The following BMPR1B variants were observed in gnomAD, a reference collection of about 807,000 sequenced individuals.
The protein encoded by BMPR1B is bone morphogenetic protein receptor type-1B.
In BMPR1B, 12 loss-of-function variants were observed where a neutral mutation model predicts 59.1. The observed-to-expected ratio is 0.20, with a 90% confidence interval of 0.13 to 0.33. BMPR1B has a LOEUF of 0.33. Ranked by LOEUF, BMPR1B falls within the 10% of genes least tolerant of loss-of-function variation. The pLI, the probability that BMPR1B is intolerant of heterozygous loss-of-function variation, is 1.00. For synonymous variants in BMPR1B, 237 were observed against 207.3 expected, an observed-to-expected ratio of 1.14 and a Z score of -1.23; for missense variants, 550 against 610.9, an observed-to-expected ratio of 0.90 and a Z score of 1.05.
chr4:94,839,813 C>T (rs1724979201), intron 1 of BMPR1B, among the ~76,000 whole-genome samples: 2 of 147,282 alleles, frequency 1.4e-5, no homozygotes, highest in African/African-American at 2.5e-5. Context: ...ATGATGTTAG[C>T]TGGTTATTTT....
At chr4:94,985,527 G>GTGTT (rs775347833) in intron 2 of BMPR1B, among the ~76,000 whole-genome samples, 1 of 139,052 alleles carries the variant, frequency 7.2e-6, no homozygotes, top group Non-Finnish European at 1.6e-5. Flanking sequence ...GTGTGTGTGT[G>GTGTT]TGTGTGTGTG....
rs971634779 is a variant in BMPR1B, at chr4:95,042,977, C to T, written c.-18+46843C>T. Among the ~76,000 whole-genome samples the T allele has an allele frequency of 8.6e-5, 13 of 151,172 alleles. 1 individual carries two copies. The highest frequency in any genetic ancestry group is 1.9e-4 in the Non-Finnish European group (13 of 67,842). ...GATCATGAGGTCAGGAGATCGAGAC[C>T]ATCCTGGCTAACAAGGTGAAACCCC... On this transcript the variant is annotated intron_variant, in intron 3 of 12. Transcript: ENST00000515059.
At position 94,806,194 on chromosome 4, in the gene BMPR1B, T is replaced by C. The variant is rs185697828; in HGVS notation, c.-183+48126T>C. On this transcript the variant is annotated intron_variant, in intron 1 of 12. Transcript: ENST00000515059. ...ACTCACGGTGTCAAGTTGATTGTAATGGGGTATATGAAAAACTCAGCTCAG... is the reference window on the plus strand; with the variant it reads ...ACTCACGGTGTCAAGTTGATTGTAACGGGGTATATGAAAAACTCAGCTCAG... Among the ~76,000 whole-genome samples the C allele has an allele frequency of 3.9e-3, 587 of 152,274 alleles. 4 individuals carry two copies. The highest frequency in any genetic ancestry group is 0.013 in the African/African-American group (560 of 41,550).
rs547892684 is a variant in BMPR1B at position 95,112,230 on chromosome 4, T to A, written c.144-2490T>A. Among the ~76,000 whole-genome samples the A allele has an allele frequency of 8.5e-5, 13 of 152,218 alleles. No homozygotes were observed. The South Asian group carries it at 2.7e-3, about 31-fold the overall frequency. ...ATTTCCACTTTTATTTCCTTCATGA[T>A]TCTTCATCTCATCTTTTTATCACTT... is the stretch of plus-strand genomic sequence containing the variant. On this transcript the variant is annotated intron_variant, in intron 4 of 12. Coordinates refer to ENST00000515059, the MANE Select transcript of BMPR1B (RefSeq NM_001203.3).
At chr4:95,137,227 G>GT (rs1172053127) in intron 10 of BMPR1B, among the ~76,000 whole-genome samples, 2 of 152,200 alleles carry the variant, frequency 1.3e-5, no homozygotes, top group South Asian at 4.1e-4. Context: ...TTTTGAGTAA[G>GT]TTTCTTAATC....
At chr4:94,759,978 G>GA (rs1182824524) in intron 1 of BMPR1B, among the ~76,000 whole-genome samples, 3 of 152,160 alleles carry the variant, frequency 2.0e-5, no homozygotes, top group African/African-American at 7.2e-5. Context: ...TACAAAACTT[G>GA]ATACAGTGTG....
chr4:95,009,123 G>C (rs1158066343), intron 3 of BMPR1B, among the ~76,000 whole-genome samples: 1 of 152,140 alleles, frequency 6.6e-6, no homozygotes, highest in East Asian at 1.9e-4. Flanking sequence ...AAATATAAAA[G>C]TCTGAAAATA....
At chr4:95,010,859 A>G (rs1394166351) in intron 3 of BMPR1B, among the ~76,000 whole-genome samples, 1 of 151,928 alleles carries the variant, frequency 6.6e-6, no homozygotes, top group Non-Finnish European at 1.5e-5. Context: ...TGTTAGGGTC[A>G]CTCTCATGAG....
intron 2 of BMPR1B, among the ~76,000 whole-genome samples, chr4:94,888,882 C>T (rs1727284633): frequency 6.6e-6 from 1 of 151,668 alleles, no homozygotes; most frequent in Non-Finnish European, 1.5e-5. Flanking sequence ...GATATATCTC[C>T]AAGGAAATCA....
chr4:95,014,960 A>G (rs1481058297), intron 3 of BMPR1B, among the ~76,000 whole-genome samples: 1 of 152,242 alleles, frequency 6.6e-6, no homozygotes, highest in East Asian at 1.9e-4. Flanking sequence ...GATGCATGGG[A>G]AGAGGCAGCC....
intron 3 of BMPR1B, among the ~76,000 whole-genome samples, chr4:95,080,462 CTG>C (rs1729050340): frequency 1.3e-5 from 2 of 152,132 alleles, no homozygotes; most frequent in African/African-American, 4.8e-5. Flanking sequence ...TCTCAAACTC[CTG>C]ACCTTAAGTG....
chr4:95,131,534 T>G, intron 10 of BMPR1B, 22 bp downstream of exon 10: 1 of 1,612,470 alleles, frequency 6.2e-7, no homozygotes, highest in Non-Finnish European at 8.5e-7. Flanking sequence ...AGTGAACAAA[T>G]ACATGTTTTA....
chr4:94,785,397 G>C (rs188484676), intron 1 of BMPR1B, among the ~76,000 whole-genome samples: 116 of 152,310 alleles, frequency 7.6e-4, no homozygotes, highest in African/African-American at 2.4e-3. Context: ...ACTGCTAGTC[G>C]TCAGGGAGCT....
chr4:94,930,610 A>G (rs1729061460), intron 2 of BMPR1B, among the ~76,000 whole-genome samples: 1 of 152,148 alleles, frequency 6.6e-6, no homozygotes. Flanking sequence ...TAACCAAACT[A>G]GGATGAATAA....
intron 6 of BMPR1B, among the ~76,000 whole-genome samples, chr4:95,116,421 G>GCGCACACACACACACACACACACACACA: frequency 8.9e-5 from 11 of 123,248 alleles, no homozygotes; most frequent in African/African-American, 3.6e-4. Context: ...TTCAGCGCGC[G>GCGCACACACACACACACACACACACACA]CACACACACA....
intron 2 of BMPR1B, among the ~76,000 whole-genome samples, chr4:94,879,209 A>G (rs1267013361): frequency 6.6e-6 from 1 of 152,214 alleles, no homozygotes; most frequent in Non-Finnish European, 1.5e-5. Context: ...TGAACTGGTC[A>G]TATGATTGTA....
chr4:94,870,046 C>CA (rs1275117063), intron 1 of BMPR1B, among the ~76,000 whole-genome samples: 2 of 152,118 alleles, frequency 1.3e-5, no homozygotes, highest in Non-Finnish European at 2.9e-5. Context: ...GAAGAAGTTG[C>CA]AAAGAAAGGT....
At chr4:95,068,151 C>G (rs1379679970) in intron 3 of BMPR1B, among the ~76,000 whole-genome samples, 1 of 152,100 alleles carries the variant, frequency 6.6e-6, no homozygotes, top group East Asian at 1.9e-4. Context: ...TAGACACAGG[C>G]TAGGAACCAC....
chr4:94,895,453 A>C lies in BMPR1B; in HGVS notation c.-113+19553A>C, dbSNP rs183238002. Among the ~76,000 whole-genome samples, 24 of 152,046 alleles carry C rather than the reference A, an allele frequency of 1.6e-4. No individual in the cohort carries two copies. The East Asian group carries it at 4.3e-3, about 27-fold the overall frequency. ...AGACAAACGTATCTAGTATTCTAAA[A>C]ACCAATTCATGAAGAAGTCTCAGCC... On this transcript the variant is annotated intron_variant, in intron 2 of 12. Coordinates refer to ENST00000515059, the MANE Select transcript of BMPR1B (RefSeq NM_001203.3).
Sources: gnomAD v4.1 joint callset for allele counts (sites outside exome capture counted in the v4.1 genomes callset) on GRCh38, gnomAD v4.1.1 for gene constraint, MANE v1.5 for transcripts, NCBI Gene and HGNC (gene_info 2026-07-23, HGNC 2026-07-21) for gene names.